The following NAA11 variants were observed in gnomAD, a reference collection of about 807,000 sequenced individuals.
NAA11 encodes N-alpha-acetyltransferase 11.
NAA11 carries 15 observed loss-of-function variants against 16.1 expected under a neutral mutation model. That is an observed-to-expected ratio of 0.93 (90% CI 0.62 to 1.44). The LOEUF (loss-of-function observed/expected upper bound fraction) is 1.44. NAA11 is among the 40% of genes most tolerant of loss of function. NAA11 has a pLI of 0.00. For missense variants in NAA11, 298 were observed against 291.3 expected, an observed-to-expected ratio of 1.02 and a Z score of -0.17; for synonymous variants, 122 against 112.4, an observed-to-expected ratio of 1.09 and a Z score of -0.54.
chr4:79,245,772 C>T (rs1263871064), intron 2 of NAA11, among the ~76,000 whole-genome samples: 13 of 149,836 alleles, frequency 8.7e-5, no homozygotes, highest in South Asian at 2.1e-4. Flanking sequence ...GGTAGGGGGG[C>T]GCCTCCGCCC....
At chr4:79,225,244 A>T (rs570572486), downstream of NAA11, among the ~76,000 whole-genome samples, 34 of 152,190 alleles carry the variant, frequency 2.2e-4, 1 homozygote, top group South Asian at 3.1e-3. Context: ...TGAAACCATT[A>T]AAAAAATAAG....
chr4:79,196,562 G>T, the NAA11 span, among the ~76,000 whole-genome samples: 6 of 151,824 alleles, frequency 4.0e-5, no homozygotes, highest in African/African-American at 1.5e-4. Context: ...GCTAGTTGTA[G>T]GACTCAAACT....
At chr4:79,210,614 C>T in the NAA11 span, among the ~76,000 whole-genome samples, 3 of 152,050 alleles carry the variant, frequency 2.0e-5, no homozygotes, top group African/African-American at 4.8e-5. Flanking sequence ...GGTTAGCTTC[C>T]ACCACCTAGA....
chr4:79,313,857 G>A (rs1037909910), downstream of NAA11, among the ~76,000 whole-genome samples: 2 of 152,204 alleles, frequency 1.3e-5, no homozygotes, highest in Non-Finnish European at 2.9e-5. Flanking sequence ...AGGAGCTAAT[G>A]ACATGGATGG....
the NAA11 span, among the ~76,000 whole-genome samples, chr4:79,182,340 CT>C: frequency 6.6e-6 from 1 of 152,172 alleles, no homozygotes; most frequent in African/African-American, 2.4e-5. Context: ...TTAAATGAGT[CT>C]TTTTCTGCCA....
intron 2 of NAA11, among the ~76,000 whole-genome samples, chr4:79,265,564 C>T (rs79192588): frequency 0.041 from 6,188 of 152,254 alleles, 457 homozygotes; most frequent in African/African-American, 0.14. Context: ...AGCTCAGCAG[C>T]CATTGCACTC....
chr4:79,204,137 T>C, the NAA11 span, among the ~76,000 whole-genome samples: 1 of 151,874 alleles, frequency 6.6e-6, no homozygotes, highest in African/African-American at 2.4e-5. Flanking sequence ...ACTATATGAC[T>C]TGGTAATTCT....
At chr4:79,226,699 A>G (rs529316714) in intron 2 of NAA11, among the ~76,000 whole-genome samples, 39 of 150,908 alleles carry the variant, frequency 2.6e-4, no homozygotes, top group African/African-American at 8.3e-4. Flanking sequence ...TGTCCTTGCA[A>G]TAGTTTGCTG....
chr4:79,188,018 A>G, the NAA11 span, among the ~76,000 whole-genome samples: 19 of 151,538 alleles, frequency 1.3e-4, no homozygotes, highest in African/African-American at 4.1e-4. Flanking sequence ...AAAAAAAAAA[A>G]AAAAAGAAAT....
At chr4:79,260,850 T>C (rs1460975612) in intron 2 of NAA11, among the ~76,000 whole-genome samples, 2 of 152,238 alleles carry the variant, frequency 1.3e-5, no homozygotes, top group Non-Finnish European at 2.9e-5. Context: ...GAACAAAAGA[T>C]GCATTGTTTT....
the NAA11 span, among the ~76,000 whole-genome samples, chr4:79,161,831 T>C: frequency 6.6e-6 from 1 of 152,254 alleles, no homozygotes; most frequent in South Asian, 2.1e-4. Context: ...TACTGGCGCA[T>C]GCCACCACCC....
chr4:79,244,423 A>G (rs1323707480), intron 2 of NAA11, among the ~76,000 whole-genome samples: 2 of 152,000 alleles, frequency 1.3e-5, no homozygotes, highest in African/African-American at 2.4e-5. Context: ...TGTCTTTTTC[A>G]CTTAGTATTT....
chr4:79,272,121 C>G (rs993419610), intron 2 of NAA11, among the ~76,000 whole-genome samples: 1 of 151,608 alleles, frequency 6.6e-6, no homozygotes, highest in African/African-American at 2.4e-5. Flanking sequence ...ATATACTATG[C>G]TATATACACA....
intron 2 of NAA11, among the ~76,000 whole-genome samples, chr4:79,287,462 GT>G (rs1390849137): frequency 3.3e-5 from 5 of 150,416 alleles, no homozygotes; most frequent in South Asian, 2.1e-4. Context: ...ATTCAGGTAA[GT>G]TTTTTTTTTC....
chr4:79,308,377 G>A (rs1181243523), intron 1 of NAA11: 1 of 152,232 alleles, frequency 6.6e-6, no homozygotes, highest in Non-Finnish European at 1.5e-5. Context: ...CTGTGCTTCA[G>A]AGCTGTCTTA....
the NAA11 span, among the ~76,000 whole-genome samples, chr4:79,179,578 G>A: frequency 6.6e-6 from 1 of 152,292 alleles, no homozygotes; most frequent in Admixed American, 6.5e-5. Flanking sequence ...GCACAGTGGT[G>A]TAGTTCCTTC....
the NAA11 span, among the ~76,000 whole-genome samples, chr4:79,174,033 A>G: frequency 6.6e-6 from 1 of 152,058 alleles, no homozygotes; most frequent in Non-Finnish European, 1.5e-5. Flanking sequence ...CTCCCCATTC[A>G]CTGACCTGTC....
At chr4:79,156,716 C>T in the NAA11 span, among the ~76,000 whole-genome samples, 309 of 152,244 alleles carry the variant, frequency 2.0e-3, 1 homozygote, top group Middle Eastern at 0.031. Flanking sequence ...GACAGCTTGA[C>T]GTAAAATTCA....
chr4:79,160,343 G>A, the NAA11 span, among the ~76,000 whole-genome samples: 14,433 of 152,088 alleles, frequency 0.095, 814 homozygotes, highest in Non-Finnish European at 0.12. Context: ...AAACATATGC[G>A]TACACATTTT....
Sources: gnomAD v4.1 joint callset for allele counts (sites outside exome capture counted in the v4.1 genomes callset) on GRCh38, gnomAD v4.1.1 for gene constraint, MANE v1.5 for transcripts, NCBI Gene and HGNC (gene_info 2026-07-23, HGNC 2026-07-21) for gene names.